The following HLF variants were observed in gnomAD, a reference collection of about 807,000 sequenced individuals.
HLF encodes HLF transcription factor, PAR bZIP family member, also known as hepatic leukemia factor.
In HLF, 3 loss-of-function variants were observed where a neutral mutation model predicts 22.6. The observed-to-expected ratio is 0.13, with a 90% CI of 0.06 to 0.34. The LOEUF is 0.34. HLF is among the 10% of genes least tolerant of loss of function. The pLI is 1.00. For missense variants in HLF, 299 were observed against 389.2 expected (o/e 0.77, Z 1.95); for synonymous variants, 151 against 151.8 (o/e 0.99, Z 0.04).
chr17:55,309,116 G>A (rs944869576), intron 2 of HLF, among the ~76,000 whole-genome samples: 1 of 152,206 alleles, frequency 6.6e-6, no homozygotes, highest in Non-Finnish European at 1.5e-5. Flanking sequence ...GCTCTGCCTG[G>A]AAGTGCAGGT....
chr17:55,276,420 G>A (rs1483309882), intron 2 of HLF, among the ~76,000 whole-genome samples: 3 of 152,206 alleles, frequency 2.0e-5, no homozygotes, highest in African/African-American at 7.2e-5. Flanking sequence ...TCAAGAAAAT[G>A]AATATAAATA....
chr17:55,268,232 G>A (rs1338492218), intron 2 of HLF, 146 bp downstream of exon 2: 1 of 577,266 alleles, frequency 1.7e-6, no homozygotes, highest in Non-Finnish European at 3.0e-6. Context: ...TCCTGGCAGA[G>A]GCTCTCCCAC....
chr17:55,284,564 T>C (rs1240250059), intron 2 of HLF, among the ~76,000 whole-genome samples: 1 of 152,176 alleles, frequency 6.6e-6, no homozygotes, highest in East Asian at 1.9e-4. Context: ...TAGCTGGTGA[T>C]GGCTGATTGC....
rs1413062824 is a variant in HLF at position 55,321,083 on chromosome 17, G to A, written c.*204G>A. The A allele has an allele frequency of 9.1e-6, 5 of 547,088 alleles. No homozygotes were observed. The highest frequency in any genetic ancestry group is 3.1e-5 in the Admixed American group (1 of 31,808). The allele number at this position is 547,088 out of a possible 1,614,324, so 33.9% of individuals were successfully genotyped here. On this transcript the variant is annotated 3_prime_UTR_variant, in exon 4 of 4. Coordinates refer to ENST00000226067, the MANE Select transcript of HLF (RefSeq NM_002126.5). The stretch of plus-strand genomic sequence containing the variant: ...TGTGGTCAGCGGTATGTGCGTGTGC[G>A]TGTTCCTTTGCTCTTGCCATTTTAA...
At chr17:55,277,776 G>A (rs2080919369) in intron 2 of HLF, among the ~76,000 whole-genome samples, 1 of 152,170 alleles carries the variant, frequency 6.6e-6, no homozygotes, top group Non-Finnish European at 1.5e-5. Flanking sequence ...TAGCTGTCAA[G>A]GTGGGCAATT....
At chr17:55,294,923 CAT>C (rs1483622524) in intron 2 of HLF, among the ~76,000 whole-genome samples, 5 of 152,282 alleles carry the variant, frequency 3.3e-5, no homozygotes, top group African/African-American at 7.2e-5. Flanking sequence ...GATTTAATAA[CAT>C]AATAAAAATT....
At chr17:55,268,577 A>G (rs542581579) in intron 2 of HLF, among the ~76,000 whole-genome samples, 1 of 151,874 alleles carries the variant, frequency 6.6e-6, no homozygotes, top group African/African-American at 2.4e-5. Context: ...GTGAGTAGGG[A>G]TATGGGGCAG....
intron 1 of HLF, 84 bp downstream of exon 1, chr17:55,265,683 C>A (rs2302738): frequency 0.059 from 65,936 of 1,122,270 alleles, 3,091 homozygotes; most frequent in East Asian, 0.24. Context: ...GCTGGAGCAT[C>A]CCCCAACCCC....
chr17:55,279,041 G>A (rs962173485), intron 2 of HLF, among the ~76,000 whole-genome samples: 1 of 152,148 alleles, frequency 6.6e-6, no homozygotes, highest in African/African-American at 2.4e-5. Flanking sequence ...CATTATGATT[G>A]ATTTCTTTGT....
chr17:55,312,070 G>A (rs1439545603), intron 2 of HLF, among the ~76,000 whole-genome samples: 1 of 152,242 alleles, frequency 6.6e-6, no homozygotes, highest in African/African-American at 2.4e-5. Context: ...ACCCACTAGA[G>A]ATGGCACCTA....
At chr17:55,317,403 C>T (rs1308407417) in intron 3 of HLF, among the ~76,000 whole-genome samples, 3 of 152,206 alleles carry the variant, frequency 2.0e-5, no homozygotes, top group Non-Finnish European at 4.4e-5. Flanking sequence ...CAGACTTTCA[C>T]AAAGTCTCCA....
At chr17:55,278,986 G>T (rs2080930266) in intron 2 of HLF, among the ~76,000 whole-genome samples, 1 of 152,188 alleles carries the variant, frequency 6.6e-6, no homozygotes, top group African/African-American at 2.4e-5. Context: ...CAAGAAGAGA[G>T]AAATTTGCAG....
Position 55,320,569 on chromosome 17 carries a change from G to C in HLF, c.673-95G>C, listed in dbSNP as rs563839499. 31 of 1,100,236 alleles carry C rather than the reference G, an allele frequency of 2.8e-5. No individual in the cohort carries two copies. The highest frequency in any genetic ancestry group is 4.1e-5 in the Non-Finnish European group (31 of 760,970). 68.2% of individuals were successfully genotyped at this position (1,100,236 alleles called of 1,614,324 possible). A position where few individuals can be genotyped will look rare whatever the true frequency, so the allele number is the denominator to read the frequency against. On this transcript the variant is annotated intron_variant, in intron 3 of 3. Coordinates refer to ENST00000226067, the MANE Select transcript of HLF (RefSeq NM_002126.5). This position sits in a 1 kb window ranked among gnomAD's most constrained non-coding sequence, Gnocchi z 4.2. ...CTAAGAAACCCGGGCTGGCACCTCT[G>C]CACAATCCTGGAGCCTGCCCGTGCC... is the stretch of plus-strand genomic sequence containing the variant.
intron 2 of HLF, among the ~76,000 whole-genome samples, chr17:55,297,101 T>C (rs1229103185): frequency 6.6e-6 from 1 of 152,216 alleles, no homozygotes. Context: ...TTGGGAGAAA[T>C]TGAATGACCC....
intron 2 of HLF, among the ~76,000 whole-genome samples, chr17:55,277,626 G>GC (rs1555605488): frequency 2.9e-4 from 22 of 77,094 alleles, no homozygotes; most frequent in African/African-American, 1.0e-3. Context: ...GGATCGGATT[G>GC]GGGGGGGTTG....
chr17:55,296,552 A>C (rs1282993210), intron 2 of HLF, among the ~76,000 whole-genome samples: 5 of 152,168 alleles, frequency 3.3e-5, no homozygotes, highest in Non-Finnish European at 7.3e-5. Flanking sequence ...TGCCTTTTTC[A>C]TTCAATATTT....
chr17:55,267,948 G>C lies in HLF; in HGVS notation c.313G>C (p.Asp105His), dbSNP rs1489660439. 1 of 1,614,074 alleles carries C rather than the reference G, an allele frequency of 6.2e-7. No individual in the cohort carries two copies. Among genetic ancestry groups the C allele is most frequent in the African/African-American group, 1.3e-5 (1 of 75,008 alleles). ...CATTCCCCCCAGCCCATCTCAGCAT[G>C]ACCACAGCCCTCACCCTCCTGGGCT... ...NGIPPSPSQH[D>H]HSPHPPGLQP... is the part of the protein sequence containing the mutation. The change falls in exon 2 of 4, where the codon GAC becomes CAC. Residue 105 changes from aspartate to histidine, a missense_variant. Around this residue, in one of 3 missense-constraint regions of HLF, gnomAD observed 224 missense variants for 298.1 expected, o/e 0.75. Coordinates refer to ENST00000226067, the MANE Select transcript of HLF (RefSeq NM_002126.5).
chr17:55,280,449 T>A lies in HLF; in HGVS notation c.451+12363T>A, dbSNP rs184128990. Among the ~76,000 whole-genome samples the A allele has an allele frequency of 9.2e-5, 14 of 152,340 alleles. No homozygotes were observed. In the East Asian group the frequency reaches 2.7e-3, roughly 29 times the overall value. ...CTGTGAGCCCTGGCTGTGTCTTCCA[T>A]CTCCATATGCCCTGCTGTGCCTGCA... On this transcript the variant is annotated intron_variant, in intron 2 of 3. Transcript: ENST00000226067.
chr17:55,302,466 A>G (rs974777927), intron 2 of HLF, among the ~76,000 whole-genome samples: 2 of 152,044 alleles, frequency 1.3e-5, no homozygotes, highest in African/African-American at 2.4e-5. Context: ...CTTTAAAACA[A>G]CCTTGTTATT....
Sources: gnomAD v4.1 joint callset for allele counts (sites outside exome capture counted in the v4.1 genomes callset) on GRCh38, gnomAD v4.1.1 for gene constraint, gnomAD v4.1.1 regional missense constraint, Gnocchi (gnomAD v3.1) non-coding constraint, MANE v1.5 for transcripts, NCBI Gene and HGNC (gene_info 2026-07-23, HGNC 2026-07-21) for gene names.